The following NCOA2 variants were observed in gnomAD, a reference collection of about 807,000 sequenced individuals.
NCOA2 encodes class E basic helix-loop-helix protein 75.
Under a neutral mutation model 145.1 loss-of-function variants are expected in NCOA2, and 21 were observed. The ratio of observed to expected loss-of-function variants is 0.14; its 90% confidence interval spans 0.10 to 0.21. The LOEUF (loss-of-function observed/expected upper bound fraction) is 0.21. NCOA2 is among the 10% of genes least tolerant of loss of function. NCOA2 has a pLI of 1.00. For synonymous variants in NCOA2, 619 were observed against 637.5 expected, an observed-to-expected ratio of 0.97 and a Z score of 0.44; for missense variants, 1,472 against 1,837.6, an observed-to-expected ratio of 0.80 and a Z score of 3.64.
chr8:70,130,466 T>C (rs1808964914), intron 16 of NCOA2, among the ~76,000 whole-genome samples: 1 of 152,220 alleles, frequency 6.6e-6, no homozygotes, highest in Non-Finnish European at 1.5e-5. Context: ...GATAAAATAG[T>C]ACTGAGGGCT....
At chr8:70,161,998 G>C (rs1418567403) in intron 9 of NCOA2, among the ~76,000 whole-genome samples, 2 of 152,064 alleles carry the variant, frequency 1.3e-5, no homozygotes, top group Non-Finnish European at 2.9e-5. Context: ...AATGAGCTCA[G>C]ATGGACGTCC....
At chr8:70,153,746 A>C (rs1199782717) in intron 11 of NCOA2, among the ~76,000 whole-genome samples, 5 of 152,190 alleles carry the variant, frequency 3.3e-5, no homozygotes, top group Non-Finnish European at 7.4e-5. Flanking sequence ...TTTACATTTC[A>C]CTTTATTCAA....
At position 70,151,668 on chromosome 8, in the gene NCOA2, G is replaced by A. The variant is rs901911697; in HGVS notation, c.2395-3185C>T. Among the ~76,000 whole-genome samples, 3 of 152,222 alleles carry A rather than the reference G, an allele frequency of 2.0e-5. No individual in the cohort carries two copies. In the South Asian group the frequency reaches 6.2e-4, roughly 32 times the overall value. ...TAGTTCTATGAAGGCTTAAAACTAT[G>A]AACACTATTTGAATTCATTCAAGCT... is the stretch of plus-strand genomic sequence containing the variant. On this transcript the variant is annotated intron_variant, in intron 11 of 22. Coordinates refer to ENST00000452400, the MANE Select transcript of NCOA2 (RefSeq NM_006540.4).
chr8:70,177,712 T>A (rs1159754281), intron 4 of NCOA2, among the ~76,000 whole-genome samples: 1 of 151,520 alleles, frequency 6.6e-6, no homozygotes, highest in Non-Finnish European at 1.5e-5. Context: ...TCTCTCAGGA[T>A]CCAAGTCCTA....
intron 2 of NCOA2, among the ~76,000 whole-genome samples, chr8:70,265,372 G>GA (rs1287713674): frequency 1.3e-5 from 2 of 152,178 alleles, no homozygotes; most frequent in African/African-American, 4.8e-5. Flanking sequence ...TGTGAGAAAT[G>GA]AATGTCTGTT....
the NCOA2 span, among the ~76,000 whole-genome samples, chr8:70,422,356 T>C: frequency 6.6e-6 from 1 of 151,892 alleles, no homozygotes; most frequent in Admixed American, 6.6e-5. Flanking sequence ...TGTTTTGCCT[T>C]AAAGGTGCAT....
chr8:70,135,290 C>T (rs1288340952), intron 15 of NCOA2, among the ~76,000 whole-genome samples: 4 of 152,210 alleles, frequency 2.6e-5, no homozygotes. Context: ...AAACCACTTA[C>T]TGTGCTATGC....
rs1436579689 is a variant in NCOA2 at position 70,254,666 on chromosome 8, A to G, written c.-19-37902T>C. Among the ~76,000 whole-genome samples, 4 of 126,070 alleles carry G rather than the reference A, an allele frequency of 3.2e-5. No individual in the cohort carries two copies. In the East Asian group the frequency reaches 8.4e-4, roughly 27 times the overall value. The allele number at this position is 126,070 out of a possible 152,430, so 82.7% of individuals were successfully genotyped here. A position where few individuals can be genotyped will look rare whatever the true frequency, so the allele number is the denominator to read the frequency against. Reference sequence around the variant, plus strand: ...GTCAAATCTTTAAGTAGCTACAGCAATTAGAATGGTGGTTACCAGGGGCGG... The same window carrying G: ...GTCAAATCTTTAAGTAGCTACAGCAGTTAGAATGGTGGTTACCAGGGGCGG... On this transcript the variant is annotated intron_variant, in intron 2 of 22. Transcript: ENST00000452400.
At chr8:70,436,392 C>T in the NCOA2 span, among the ~76,000 whole-genome samples, 1 of 152,208 alleles carries the variant, frequency 6.6e-6, no homozygotes, top group African/African-American at 2.4e-5. Context: ...AGGTCACCCA[C>T]ATCTCAGGAT....
At chr8:70,410,665 C>T in the NCOA2 span, among the ~76,000 whole-genome samples, 2 of 152,216 alleles carry the variant, frequency 1.3e-5, no homozygotes, top group Non-Finnish European at 2.9e-5. Flanking sequence ...TAATTTCCAT[C>T]GTCAAGTTAT....
At chr8:70,260,580 A>G (rs1443237717) in intron 2 of NCOA2, among the ~76,000 whole-genome samples, 2 of 152,200 alleles carry the variant, frequency 1.3e-5, no homozygotes, top group Admixed American at 6.5e-5. Flanking sequence ...ATACCTAACC[A>G]TTTGCTTTAA....
At chr8:70,444,356 GGTGGCT>G in the NCOA2 span, among the ~76,000 whole-genome samples, 1 of 152,198 alleles carries the variant, frequency 6.6e-6, no homozygotes, top group African/African-American at 2.4e-5. Flanking sequence ...GTAGGAAGGA[GGTGGCT>G]GTGGCTGTGG....
chr8:70,274,495 A>AT (rs550371801), intron 2 of NCOA2, among the ~76,000 whole-genome samples: 36 of 152,164 alleles, frequency 2.4e-4, no homozygotes, highest in African/African-American at 7.0e-4. Context: ...ATTTACAGTT[A>AT]TTTTTTTAAA....
chr8:70,361,623 AT>A (rs1198070015), intron 1 of NCOA2, among the ~76,000 whole-genome samples: 4 of 152,216 alleles, frequency 2.6e-5, no homozygotes. Flanking sequence ...ATCTCCTACC[AT>A]TATTCAAAAG....
At chr8:70,314,878 T>C (rs1387374914) in intron 1 of NCOA2, among the ~76,000 whole-genome samples, 2 of 149,060 alleles carry the variant, frequency 1.3e-5, no homozygotes, top group Non-Finnish European at 3.0e-5. Flanking sequence ...AGACATTTCA[T>C]TGAACTTATT....
intron 2 of NCOA2, among the ~76,000 whole-genome samples, chr8:70,221,370 T>A (rs1047932648): frequency 6.6e-6 from 1 of 152,164 alleles, no homozygotes; most frequent in Non-Finnish European, 1.5e-5. Context: ...ATGAAAACAT[T>A]TGCTCATTCT....
chr8:70,341,082 G>GAAAAAAAAAAA lies in NCOA2; in HGVS notation c.-76-44293_-76-44283dup, dbSNP rs3085558. ...TGTGTACCCCTGAACTTAAAAAGTTGAAAAAAAAAAAAAAAGAAACAAATA... is the reference window on the plus strand; with the variant it reads ...TGTGTACCCCTGAACTTAAAAAGTTGAAAAAAAAAAAAAAAAAAAAAAAAAAGAAACAAATA... On this transcript the variant is annotated intron_variant, in intron 1 of 22. Transcript: ENST00000452400. Among the ~76,000 whole-genome samples the GAAAAAAAAAAA allele has an allele frequency of 1.2e-3, 123 of 105,026 alleles. 1 individual carries two copies. Among genetic ancestry groups the GAAAAAAAAAAA allele is most frequent in the African/African-American group, 3.2e-3 (101 of 31,122 alleles). The allele number at this position is 105,026 out of a possible 152,430, so 68.9% of individuals were successfully genotyped here.
chr8:70,191,271 G>C (rs1816645057), intron 4 of NCOA2, among the ~76,000 whole-genome samples: 1 of 152,232 alleles, frequency 6.6e-6, no homozygotes, highest in African/African-American at 2.4e-5. Context: ...ATAATGAATA[G>C]ACAGAAATCA....
At chr8:70,188,633 ATAATT>A (rs1239081458) in intron 4 of NCOA2, among the ~76,000 whole-genome samples, 1 of 152,200 alleles carries the variant, frequency 6.6e-6, no homozygotes, top group Non-Finnish European at 1.5e-5. Context: ...ACTAGCTTAA[ATAATT>A]TAATTGTACA....
Sources: gnomAD v4.1 joint callset for allele counts (sites outside exome capture counted in the v4.1 genomes callset) on GRCh38, gnomAD v4.1.1 for gene constraint, MANE v1.5 for transcripts, NCBI Gene and HGNC (gene_info 2026-07-23, HGNC 2026-07-21) for gene names.